The following ALPK1 variants were observed in gnomAD, a reference collection of about 807,000 sequenced individuals.
ALPK1 encodes alpha-protein kinase 1.
In ALPK1, 110 loss-of-function variants were observed where a neutral mutation model predicts 120.6. The ratio of observed to expected loss-of-function variants is 0.91; its 90% CI spans 0.78 to 1.07. ALPK1 has a LOEUF of 1.07. Ranked by LOEUF, ALPK1 falls within the 50% of genes least tolerant of loss-of-function variation. ALPK1 has a pLI of 0.00. For synonymous variants in ALPK1, 582 were observed against 560.3 expected, an observed-to-expected ratio of 1.04 and a Z score of -0.55; for missense variants, 1,498 against 1,483.9, an observed-to-expected ratio of 1.01 and a Z score of -0.16.
intron 4 of ALPK1, chr4:112,410,818 C>G (rs959021172): frequency 2.9e-4 from 44 of 152,680 alleles, no homozygotes; most frequent in African/African-American, 9.7e-4. Flanking sequence ...CGGTTTTCTT[C>G]TTTTTCTTAT....
In ALPK1 at chr4:112,426,473, G is replaced by C. The variant is rs1251277356; in HGVS notation, c.629G>C (p.Trp210Ser). The C allele has an allele frequency of 6.2e-7, 1 of 1,604,632 alleles. No homozygotes were observed. Among genetic ancestry groups the C allele is most frequent in the Non-Finnish European group, 8.5e-7 (1 of 1,176,064 alleles). Reference protein sequence around the residue: ...RGQILQKLGMWYEAAELIWAS... With the variant: ...RGQILQKLGMSYEAAELIWAS... ...CCCCTCTTTTTTTTTTCAGGGATGT[G>C]GTACGAAGCAGCAGAGTTAATATGG... The change falls in exon 8 of 16, where the codon TGG becomes TCG. Residue 210 changes from tryptophan (W) to serine (S), a missense_variant. Transcript: ENST00000650871.
chr4:112,326,094 C>G (rs771888317), intron 2 of ALPK1, among the ~76,000 whole-genome samples: 8 of 152,168 alleles, frequency 5.3e-5, no homozygotes, highest in Non-Finnish European at 8.8e-5. Context: ...ACCATCATCC[C>G]TTTATCTTTG....
chr4:112,436,012 T>C lies in ALPK1; in HGVS notation c.3188+711T>C, dbSNP rs941832205. Among the ~76,000 whole-genome samples the C allele has an allele frequency of 2.0e-5, 3 of 152,246 alleles. No homozygotes were observed. The South Asian group carries it at 6.2e-4, about 31-fold the overall frequency. Reference sequence around the variant, plus strand: ...CTGAAAAATTAGTAACCACAGGTGGTCTTCATTGGATTTAAGACATAATTT... The same window carrying C: ...CTGAAAAATTAGTAACCACAGGTGGCCTTCATTGGATTTAAGACATAATTT... On this transcript the variant is annotated intron_variant, in intron 12 of 15. Transcript: ENST00000650871.
intron 1 of ALPK1, 125 bp from the exon 2 acceptor site, chr4:112,315,676 T>C (rs896206351): frequency 6.6e-6 from 1 of 152,276 alleles, no homozygotes; most frequent in Admixed American, 6.5e-5. Context: ...TTGATCTTCC[T>C]GTTCCCTTAT....
chr4:112,335,825 G>GT (rs1448002833), intron 2 of ALPK1, among the ~76,000 whole-genome samples: 1 of 152,146 alleles, frequency 6.6e-6, no homozygotes. Flanking sequence ...AGGAGGACAG[G>GT]TGCAGGGCTT....
chr4:112,324,522 G>C (rs556583385), intron 2 of ALPK1, among the ~76,000 whole-genome samples: 5 of 152,116 alleles, frequency 3.3e-5, no homozygotes, highest in African/African-American at 9.6e-5. Flanking sequence ...CTATTGTCCT[G>C]GATGGAGTGC....
intron 14 of ALPK1, 134 bp downstream of exon 14, chr4:112,440,006 T>G (rs1019802948): frequency 1.3e-6 from 1 of 794,032 alleles, no homozygotes; most frequent in South Asian, 2.2e-5. Flanking sequence ...TTAATTGATC[T>G]TACTATATAT....
intron 4 of ALPK1, chr4:112,384,042 A>G (rs1168356824): frequency 6.6e-6 from 1 of 152,238 alleles, no homozygotes; most frequent in Non-Finnish European, 1.5e-5. Flanking sequence ...CTTTCACACC[A>G]TTGTAAAGTA....
At chr4:112,385,333 A>G (rs761542582) in intron 4 of ALPK1, among the ~76,000 whole-genome samples, 1 of 152,234 alleles carries the variant, frequency 6.6e-6, no homozygotes, top group Non-Finnish European at 1.5e-5. Context: ...TATACTACAC[A>G]AATTTCACAA....
intron 2 of ALPK1, among the ~76,000 whole-genome samples, chr4:112,340,475 A>G (rs969813941): frequency 2.0e-5 from 3 of 152,254 alleles, no homozygotes; most frequent in East Asian, 1.9e-4. Context: ...TTAAATTTCA[A>G]TGTTATTAGA....
In ALPK1 at chr4:112,377,740, A is replaced by G. The variant is rs757543479; in HGVS notation, c.-38A>G. The G allele has an allele frequency of 6.7e-7, 1 of 1,498,776 alleles. No homozygotes were observed. The highest frequency in any genetic ancestry group is 9.0e-7 in the Non-Finnish European group (1 of 1,110,364). 92.8% of individuals were successfully genotyped at this position (1,498,776 alleles called of 1,614,324 possible). ...AATGTCTTCTCCTAGGTAATTGATC[A>G]CCCTAGACCCAGGGACACCCAATTC... On this transcript the variant is annotated 5_prime_UTR_variant, in exon 3 of 16. Coordinates refer to ENST00000650871, the MANE Select transcript of ALPK1 (RefSeq NM_025144.4).
At chr4:112,324,182 C>G (rs1336388258) in intron 2 of ALPK1, among the ~76,000 whole-genome samples, 5 of 152,044 alleles carry the variant, frequency 3.3e-5, no homozygotes, top group Admixed American at 6.5e-5. Flanking sequence ...AAAAAATTAG[C>G]AGGGCATGGT....
At chr4:112,348,575 A>T (rs11098152) in intron 2 of ALPK1, among the ~76,000 whole-genome samples, 1 of 152,072 alleles carries the variant, frequency 6.6e-6, no homozygotes, top group Non-Finnish European at 1.5e-5. Context: ...ATAGCTTGGC[A>T]TGTGGGTGTT....
rs749093728 is a variant in ALPK1 at position 112,364,250 on chromosome 4, TA to T, written c.-100-13427del. Among the ~76,000 whole-genome samples, 3 of 151,198 alleles carry T rather than the reference TA, an allele frequency of 2.0e-5. No homozygotes were observed. In the East Asian group the frequency reaches 5.8e-4, roughly 29 times the overall value. On this transcript the variant is annotated intron_variant, in intron 2 of 15. Coordinates refer to ENST00000650871, the MANE Select transcript of ALPK1 (RefSeq NM_025144.4). The stretch of plus-strand genomic sequence containing the variant: ...ATTAAATTAAATATATATATTTATA[TA>T]CAAAAAATAAATAAAACAAAAAGCT...
Position 112,377,877 on chromosome 4 carries a change from A to G in ALPK1, c.100A>G (p.Ser34Gly). Residue 34 changes from serine to glycine, a missense_variant, in exon 3 of 16, where the codon AGC (serine) becomes GGC (glycine). Coordinates refer to ENST00000650871, the MANE Select transcript of ALPK1 (RefSeq NM_025144.4). ...GCCAGATGTGTCGGAAGAGGACAAG[A>G]GCGAGGACCAGCGCTGCAGAGGTGA... ...EAPDVSEEDK[S>G]EDQRCRALLP... 1 of 1,612,954 alleles carries G rather than the reference A, an allele frequency of 6.2e-7. No individual in the cohort carries two copies. Among genetic ancestry groups the G allele is most frequent in the African/African-American group, 1.3e-5 (1 of 74,978 alleles).
At position 112,377,753 on chromosome 4, in the gene ALPK1, G is replaced by A. The variant is rs546040909; in HGVS notation, c.-25G>A. On this transcript the variant is annotated 5_prime_UTR_variant, in exon 3 of 16. Transcript: ENST00000650871. Reference sequence around the variant, plus strand: ...AGGTAATTGATCACCCTAGACCCAGGGACACCCAATTCATCGTAATCATCA... The same window carrying A: ...AGGTAATTGATCACCCTAGACCCAGAGACACCCAATTCATCGTAATCATCA... The A allele has an allele frequency of 2.5e-6, 4 of 1,595,174 alleles. No homozygotes were observed. The South Asian group carries it at 3.4e-5, about 13-fold the overall frequency.
chr4:112,370,667 T>C (rs534645231), intron 2 of ALPK1, among the ~76,000 whole-genome samples: 5 of 152,340 alleles, frequency 3.3e-5, no homozygotes, highest in East Asian at 1.9e-4. Flanking sequence ...CAATGAGCCA[T>C]ACAAGTCTGG....
chr4:112,377,384 G>A (rs750023632), intron 2 of ALPK1, among the ~76,000 whole-genome samples: 7 of 152,204 alleles, frequency 4.6e-5, no homozygotes, highest in Non-Finnish European at 8.8e-5. Context: ...GAAGTACGCA[G>A]AAGATAAATC....
intron 2 of ALPK1, among the ~76,000 whole-genome samples, chr4:112,348,991 A>G (rs1730213348): frequency 6.6e-6 from 1 of 152,188 alleles, no homozygotes; most frequent in Admixed American, 6.5e-5. Context: ...CACCTCAGAC[A>G]GAGGCAGGCT....
Sources: gnomAD v4.1 joint callset for allele counts (sites outside exome capture counted in the v4.1 genomes callset) on GRCh38, gnomAD v4.1.1 for gene constraint, MANE v1.5 for transcripts, NCBI Gene and HGNC (gene_info 2026-07-23, HGNC 2026-07-21) for gene names.